Variants in MKRN2OS observed in about 807,000 individuals in gnomAD.
MKRN2OS encodes the protein MKRN2 opposite strand, also known as MKRN2 opposite strand protein.
A neutral mutation model predicts 18.2 loss-of-function variants in MKRN2OS; 17 were observed. The ratio of observed to expected loss-of-function variants is 0.93; its 90% CI spans 0.64 to 1.40. The LOEUF is 1.40. MKRN2OS is among the 40% of genes most tolerant of loss of function. The probability of loss-of-function intolerance (pLI) is 0.00; values close to 1 mark genes in which losing one functional copy is unlikely to be tolerated. For synonymous variants in MKRN2OS, 121 were observed against 108.5 expected (o/e 1.12, Z -0.72); for missense variants, 337 against 283.0 (o/e 1.19, Z -1.37).
Position 12,543,248 on chromosome 3 carries a change from G to GTTTTT in MKRN2OS, c.219-24_219-20dup. 1 of 1,500,260 alleles carries GTTTTT rather than the reference G, an allele frequency of 6.7e-7. No homozygotes were observed. The allele number at this position is 1,500,260 out of a possible 1,614,324, so 92.9% of individuals were successfully genotyped here. A position where few individuals can be genotyped will look rare whatever the true frequency, so the allele number is the denominator to read the frequency against. On this transcript the variant is annotated intron_variant, in intron 1 of 3. Coordinates refer to ENST00000564146, the MANE Select transcript of MKRN2OS (RefSeq NM_001195279.2). Reference sequence around the variant, plus strand: ...ATACTCTCTGAAAGAAACAAGGTTTGTTTTTTTTTGGTTTGCATGTATTTG... The same window carrying GTTTTT: ...ATACTCTCTGAAAGAAACAAGGTTTGTTTTTTTTTTTTTTGGTTTGCATGTATTTG...
At chr3:12,548,466 AAAAAAAAAAAAAAAAAC>A (rs1404759086), upstream of MKRN2OS, among the ~76,000 whole-genome samples, 8 of 113,256 alleles carry the variant, frequency 7.1e-5, no homozygotes, top group East Asian at 4.2e-4. Context: ...AAAAAAAAAA[AAAAAAAAAAAAAAAAAC>A]CAGCCGAGCG....
At chr3:12,551,177 C>CTT (rs1209259677), downstream of MKRN2OS, among the ~76,000 whole-genome samples, 5 of 148,006 alleles carry the variant, frequency 3.4e-5, no homozygotes, top group African/African-American at 1.0e-4. Flanking sequence ...CACCACCCCT[C>CTT]TGTCATTACA....
chr3:12,557,251 G>A, intron 1 of MKRN2OS: 1 of 1,502,690 alleles, frequency 6.7e-7, no homozygotes, highest in Non-Finnish European at 8.9e-7. Flanking sequence ...CAGTGCTGTG[G>A]TCCGGGAACC....
At chr3:12,545,886 A>C (rs920264690), upstream of MKRN2OS, among the ~76,000 whole-genome samples, 2 of 152,162 alleles carry the variant, frequency 1.3e-5, no homozygotes, top group African/African-American at 4.8e-5. Flanking sequence ...GGCTCACTGC[A>C]ACCTCCACCC....
At chr3:12,556,042 GTGTT>G (rs1355750184) in intron 1 of MKRN2OS, among the ~76,000 whole-genome samples, 1 of 152,220 alleles carries the variant, frequency 6.6e-6, no homozygotes, top group Non-Finnish European at 1.5e-5. Context: ...TTCATAGAAT[GTGTT>G]TGGTGCACTT....
chr3:12,543,175 C>T lies in MKRN2OS; in HGVS notation c.268+5G>A, dbSNP rs2057839034. On this transcript the variant is annotated splice_donor_5th_base_variant and intron_variant, in intron 2 of 3. Coordinates refer to ENST00000564146, the MANE Select transcript of MKRN2OS (RefSeq NM_001195279.2). The stretch of plus-strand genomic sequence containing the variant: ...GGGTTTTTTAAGCTACAAAACTGCA[C>T]TTACCATTTGTGTTAGTTATTCCAA... 1 of 1,535,118 alleles carries T rather than the reference C, an allele frequency of 6.5e-7. No homozygotes were observed. Among genetic ancestry groups the T allele is most frequent in the South Asian group, 1.2e-5 (1 of 83,972 alleles).
At chr3:12,540,580 A>T (rs1276247808) in intron 3 of MKRN2OS, 147 bp from the exon 4 acceptor site, 1 of 942,814 alleles carries the variant, frequency 1.1e-6, no homozygotes, top group African/African-American at 1.6e-5. Context: ...AAGCTTCAAG[A>T]TGTGCACTTC....
At chr3:12,553,979 C>G (rs1204090071) in exon 2 of MKRN2OS, 1 of 152,218 alleles carries the variant, frequency 6.6e-6, no homozygotes, top group African/African-American at 2.4e-5. Context: ...ACCCTCGGCG[C>G]ACGTCTGCGC....
chr3:12,540,726 G>T (rs1169610687), intron 3 of MKRN2OS, among the ~76,000 whole-genome samples: 2 of 152,010 alleles, frequency 1.3e-5, no homozygotes, highest in African/African-American at 4.8e-5. Flanking sequence ...ATACAAGTTA[G>T]CTGGGCATGG....
Position 12,539,890 on chromosome 3 carries a change from A to G in MKRN2OS, c.*303T>C. The G allele has an allele frequency of 3.0e-6, 1 of 328,832 alleles. No homozygotes were observed. The highest frequency in any genetic ancestry group is 5.8e-6 in the Non-Finnish European group (1 of 171,630). 20.4% of individuals were successfully genotyped at this position (328,832 alleles called of 1,614,324 possible). The stretch of plus-strand genomic sequence containing the variant: ...AACCTCCGCCTCCCGGGTTCAAGCG[A>G]TTCTCCTGCTTCAGCCTCCCTAGTA... On this transcript the variant is annotated 3_prime_UTR_variant, in exon 4 of 4. Transcript: ENST00000564146.
chr3:12,557,502 C>A (rs772742607), intron 1 of MKRN2OS, among the ~76,000 whole-genome samples: 4 of 152,226 alleles, frequency 2.6e-5, no homozygotes, highest in Admixed American at 6.5e-5. Context: ...CTGGGGCTTA[C>A]GCTTTAACTG....
At position 12,540,121 on chromosome 3, in the gene MKRN2OS, AG is replaced by A; in HGVS notation, c.*71del. On this transcript the variant is annotated 3_prime_UTR_variant, in exon 4 of 4. Coordinates refer to ENST00000564146, the MANE Select transcript of MKRN2OS (RefSeq NM_001195279.2). ...TTATTAACCACAGTTAAATGCATTT[AG>A]AAATCCATAGTACTGATTAAAGGTA... The A allele has an allele frequency of 6.6e-7, 1 of 1,520,356 alleles. No individual in the cohort carries two copies. Among genetic ancestry groups the A allele is most frequent in the Non-Finnish European group, 8.8e-7 (1 of 1,134,890 alleles). 94.2% of individuals were successfully genotyped at this position (1,520,356 alleles called of 1,614,324 possible).
intron 1 of MKRN2OS, among the ~76,000 whole-genome samples, chr3:12,560,315 C>G (rs2058025560): frequency 1.3e-5 from 2 of 152,214 alleles, no homozygotes; most frequent in Middle Eastern, 3.4e-3. Flanking sequence ...ACTTCAGTGT[C>G]TTCACCACCA....
chr3:12,557,652 A>C (rs2057990663), intron 1 of MKRN2OS, among the ~76,000 whole-genome samples: 1 of 152,274 alleles, frequency 6.6e-6, no homozygotes, highest in African/African-American at 2.4e-5. Flanking sequence ...CAGAGAGTTA[A>C]CAAGTAAAAG....
At position 12,540,164 on chromosome 3, in the gene MKRN2OS, C is replaced by G; in HGVS notation, c.*29G>C. On this transcript the variant is annotated 3_prime_UTR_variant, in exon 4 of 4. Coordinates refer to ENST00000564146, the MANE Select transcript of MKRN2OS (RefSeq NM_001195279.2). Reference sequence around the variant, plus strand: ...TTAAAGGTAGCAACCACCCTACCCTCCAGCGTCCAGGCTGCGCTTACATAG... The same window carrying G: ...TTAAAGGTAGCAACCACCCTACCCTGCAGCGTCCAGGCTGCGCTTACATAG... 1 of 1,535,920 alleles carries G rather than the reference C, an allele frequency of 6.5e-7. No individual in the cohort carries two copies. Among genetic ancestry groups the G allele is most frequent in the Non-Finnish European group, 8.7e-7 (1 of 1,146,776 alleles).
chr3:12,546,694 C>T (rs897645859), upstream of MKRN2OS, among the ~76,000 whole-genome samples: 13 of 149,148 alleles, frequency 8.7e-5, no homozygotes, highest in African/African-American at 3.0e-4. Context: ...AATTCTGCCT[C>T]AGCCTCCTGA....
Position 12,542,012 on chromosome 3 carries a change from A to G in MKRN2OS, c.279T>C (p.Tyr93=), listed in dbSNP as rs2057821608. Reference sequence around the variant, plus strand: ...GCTGGACACCATGTGCACTGTAATTATACACAACCCCTGCAAATCAAAACC... The same window carrying G: ...GCTGGACACCATGTGCACTGTAATTGTACACAACCCCTGCAAATCAAAACC... ...VGITNTNGVV[Y]NYSAHGVQRD... The change falls in exon 3 of 4, where the codon TAT becomes TAC. Residue 93 remains tyrosine (Y), a synonymous_variant. Coordinates refer to ENST00000564146, the MANE Select transcript of MKRN2OS (RefSeq NM_001195279.2). The G allele has an allele frequency of 1.3e-6, 2 of 1,534,654 alleles. No homozygotes were observed. The highest frequency in any genetic ancestry group is 2.0e-5 in the Admixed American group (1 of 50,818).
chr3:12,545,056 CTGCAGGAACATA>C (rs2057867087), intron 1 of MKRN2OS, among the ~76,000 whole-genome samples, 179 bp downstream of exon 1: 1 of 152,208 alleles, frequency 6.6e-6, no homozygotes, highest in Non-Finnish European at 1.5e-5. Context: ...GCACTTGTCA[CTGCAGGAACATA>C]TGCACACCAT....
chr3:12,560,478 T>TAAAAAAAAAAAAAAA (rs10651248), intron 1 of MKRN2OS, among the ~76,000 whole-genome samples: 1 of 124,968 alleles, frequency 8.0e-6, no homozygotes. Flanking sequence ...TAGGAAAATG[T>TAAAAAAAAAAAAAAA]AAAAAAAAAA....
Sources: gnomAD v4.1 joint callset for allele counts (sites outside exome capture counted in the v4.1 genomes callset) on GRCh38, gnomAD v4.1.1 for gene constraint, MANE v1.5 for transcripts, NCBI Gene and HGNC (gene_info 2026-07-23, HGNC 2026-07-21) for gene names.